The following ADGRA3 variants were observed in gnomAD, a reference collection of about 807,000 sequenced individuals.
ADGRA3 encodes G-protein coupled receptor 125.
ADGRA3 carries 56 observed loss-of-function variants against 119.8 expected under a neutral mutation model. The observed-to-expected ratio is 0.47, with a 90% confidence interval of 0.38 to 0.58. The LOEUF is 0.58. ADGRA3 is among the 20% of genes least tolerant of loss of function. The pLI, the probability that ADGRA3 is intolerant of heterozygous loss-of-function variation, is 0.00. For missense variants in ADGRA3, 1,516 were observed against 1,649.0 expected, an observed-to-expected ratio of 0.92 and a Z score of 1.40; for synonymous variants, 607 against 623.8, an observed-to-expected ratio of 0.97 and a Z score of 0.40.
At chr4:22,422,092 C>T (rs920478492) in intron 11 of ADGRA3, among the ~76,000 whole-genome samples, 3 of 151,890 alleles carry the variant, frequency 2.0e-5, no homozygotes, top group African/African-American at 4.8e-5. Flanking sequence ...ACAGAGTGGG[C>T]GTGAGAAGTG....
chr4:22,474,918 T>A (rs1717983963), intron 1 of ADGRA3, among the ~76,000 whole-genome samples: 1 of 152,212 alleles, frequency 6.6e-6, no homozygotes, highest in South Asian at 2.1e-4. Context: ...CTTCTTTGTA[T>A]ATACAAATGT....
rs540184670 is a variant in ADGRA3, at chr4:22,502,244, T to C, written c.257+13284A>G. 7.9e-5 allele frequency among the ~76,000 whole-genome samples: 12 copies of C among 152,224 alleles called. No homozygotes were observed. The South Asian group carries it at 2.3e-3, about 29-fold the overall frequency. On this transcript the variant is annotated intron_variant, in intron 1 of 18. Transcript: ENST00000334304. ...GTTGCCAAATGCAATAATTAGTAAG[T>C]ATGAAACCAGGTGTGTCCATCAAGC... is the stretch of plus-strand genomic sequence containing the variant.
intron 6 of ADGRA3, chr4:22,443,226 C>CACTTTGGAG (rs1466992285): frequency 1.9e-6 from 1 of 537,274 alleles, no homozygotes; most frequent in Non-Finnish European, 3.3e-6. Context: ...TTGGAGACTG[C>CACTTTGGAG]AATACCTTTG....
At chr4:22,413,519 C>T in intron 13 of ADGRA3, 82 bp downstream of exon 13, 1 of 1,438,862 alleles carries the variant, frequency 6.9e-7, no homozygotes, top group Non-Finnish European at 9.7e-7. Context: ...CGAGAAAACA[C>T]TAAAATAAGC....
intron 1 of ADGRA3, chr4:22,515,202 C>G (rs1278430057): frequency 1.0e-5 from 2 of 197,846 alleles, no homozygotes; most frequent in Non-Finnish European, 1.0e-5. Flanking sequence ...TGAGCTTTAA[C>G]TCTGTTGACT....
chr4:22,494,978 G>T (rs10007172), intron 1 of ADGRA3, among the ~76,000 whole-genome samples: 1 of 151,832 alleles, frequency 6.6e-6, no homozygotes, highest in South Asian at 2.1e-4. Flanking sequence ...AAAGTTTAAC[G>T]TATAAATCAG....
intron 1 of ADGRA3, among the ~76,000 whole-genome samples, chr4:22,475,734 A>T (rs1008747741): frequency 7.3e-5 from 11 of 151,624 alleles, no homozygotes; most frequent in South Asian, 2.1e-4. Context: ...CTCGGAAAAA[A>T]AAATAAATAA....
intron 1 of ADGRA3, among the ~76,000 whole-genome samples, chr4:22,500,473 T>C (rs1719014651): frequency 1.7e-5 from 2 of 116,642 alleles, no homozygotes; most frequent in Non-Finnish European, 3.8e-5. Context: ...TTATTAGAAC[T>C]TTCAAATCAG....
At chr4:22,398,235 T>C (rs1714452065) in intron 16 of ADGRA3, 1 of 607,122 alleles carries the variant, frequency 1.6e-6, no homozygotes, top group Non-Finnish European at 2.1e-6. Context: ...AGTTAGTATA[T>C]GCCTGGTACT....
chr4:22,457,316 C>CT (rs1717272210), intron 3 of ADGRA3, among the ~76,000 whole-genome samples: 1 of 152,182 alleles, frequency 6.6e-6, no homozygotes, highest in African/African-American at 2.4e-5. Context: ...AACAAAAATA[C>CT]TTTATGTGTT....
intron 10 of ADGRA3, among the ~76,000 whole-genome samples, chr4:22,433,353 C>A (rs1243177355): frequency 6.6e-6 from 1 of 152,126 alleles, no homozygotes; most frequent in Non-Finnish European, 1.5e-5. Flanking sequence ...TATTTCATAA[C>A]CTAATAAAAT....
At chr4:22,430,637 T>C (rs1270250728) in intron 10 of ADGRA3, among the ~76,000 whole-genome samples, 2 of 151,946 alleles carry the variant, frequency 1.3e-5, no homozygotes, top group Non-Finnish European at 2.9e-5. Context: ...TTGGAAAATT[T>C]GCACCTTGAC....
chr4:22,430,418 G>T (rs1343439124), intron 10 of ADGRA3, among the ~76,000 whole-genome samples: 3 of 152,114 alleles, frequency 2.0e-5, no homozygotes, highest in Non-Finnish European at 4.4e-5. Context: ...GAGGAACTTG[G>T]GAACTAGAGC....
At chr4:22,474,549 T>C (rs1267189037) in intron 1 of ADGRA3, among the ~76,000 whole-genome samples, 1 of 152,178 alleles carries the variant, frequency 6.6e-6, no homozygotes. Context: ...TTTGTAACTT[T>C]ATGTAGCTTT....
intron 1 of ADGRA3, among the ~76,000 whole-genome samples, chr4:22,502,724 G>GA (rs1057466757): frequency 1.0e-3 from 147 of 146,244 alleles, no homozygotes; most frequent in South Asian, 6.2e-3. Context: ...ATCAAGAAAT[G>GA]AAAAAAAAAA....
chr4:22,443,183 T>C, intron 6 of ADGRA3: 3 of 614,712 alleles, frequency 4.9e-6, no homozygotes, highest in Non-Finnish European at 8.5e-6. Flanking sequence ...CAGTGATAAG[T>C]AAATGTTGAT....
Position 22,387,621 on chromosome 4 carries a change from G to A in ADGRA3, c.*84C>T, listed in dbSNP as rs1240959526. 2 of 1,345,390 alleles carry A rather than the reference G, an allele frequency of 1.5e-6. No individual in the cohort carries two copies. Among genetic ancestry groups the A allele is most frequent in the Non-Finnish European group, 2.0e-6 (2 of 991,436 alleles). The allele number at this position is 1,345,390 out of a possible 1,614,324, so 83.3% of individuals were successfully genotyped here. A position where few individuals can be genotyped will look rare whatever the true frequency, so the allele number is the denominator to read the frequency against. On this transcript the variant is annotated 3_prime_UTR_variant, in exon 19 of 19. Coordinates refer to ENST00000334304, the MANE Select transcript of ADGRA3 (RefSeq NM_145290.4). Reference sequence around the variant, plus strand: ...ATTCTTTTGAATCCCTATGGTGGCTGTAAACAGTTTTTAAATGCTCATAGC... The same window carrying A: ...ATTCTTTTGAATCCCTATGGTGGCTATAAACAGTTTTTAAATGCTCATAGC...
chr4:22,507,197 G>A (rs962266953), intron 1 of ADGRA3, among the ~76,000 whole-genome samples: 2 of 151,848 alleles, frequency 1.3e-5, no homozygotes, highest in South Asian at 2.1e-4. Context: ...CCGAGATCGC[G>A]CCACTGCACT....
intron 14 of ADGRA3, among the ~76,000 whole-genome samples, chr4:22,406,753 T>C (rs868367552): frequency 1.3e-5 from 2 of 151,988 alleles, no homozygotes; most frequent in Non-Finnish European, 2.9e-5. Flanking sequence ...TGCCGAAAAA[T>C]GAACCTAGGG....
Sources: gnomAD v4.1 joint callset for allele counts (sites outside exome capture counted in the v4.1 genomes callset) on GRCh38, gnomAD v4.1.1 for gene constraint, MANE v1.5 for transcripts, NCBI Gene and HGNC (gene_info 2026-07-23, HGNC 2026-07-21) for gene names.